The following XAGE3 variants were observed in gnomAD, a reference collection of about 807,000 sequenced individuals.
XAGE3 encodes the protein X antigen family member 3, also known as CT12.3.
A neutral mutation model predicts 9.2 loss-of-function variants in XAGE3; 6 were observed. The observed-to-expected ratio is 0.65, with a 90% confidence interval of 0.36 to 1.29. The LOEUF (loss-of-function observed/expected upper bound fraction) is 1.29, where lower values mean the gene tolerates loss of function less well. Ranked by LOEUF, XAGE3 falls within the 50% of genes most tolerant of loss-of-function variation. The pLI is 0.03. For synonymous variants in XAGE3, 26 were observed against 28.2 expected (o/e 0.92, Z 0.25); for missense variants, 70 against 82.8 (o/e 0.85, Z 0.60).
At chrX:52,867,289 C>T in intron 1 of XAGE3, 148 bp from the exon 2 acceptor site, 1 of 471,557 alleles carries the variant, frequency 2.1e-6, no homozygotes, top group East Asian at 3.8e-5. Flanking sequence ...GTATGTGTGC[C>T]TTCTGAATGC....
intron 3 of XAGE3, among the ~76,000 whole-genome samples, chrX:52,865,328 A>C (rs782388424): frequency 8.9e-6 from 1 of 112,013 alleles, no homozygotes; most frequent in East Asian, 2.8e-4. Context: ...AAACAAACTT[A>C]GGTCCAAAGG....
intron 4 of XAGE3, among the ~76,000 whole-genome samples, chrX:52,864,318 CAG>C (rs1927830944): frequency 8.9e-6 from 1 of 112,140 alleles, no homozygotes; most frequent in South Asian, 3.7e-4. Flanking sequence ...AATTTTGAAA[CAG>C]ATGTTAATAC....
chrX:52,865,119 C>T (rs1263169409), intron 3 of XAGE3, among the ~76,000 whole-genome samples: 2 of 111,639 alleles, frequency 1.8e-5, no homozygotes, highest in African/African-American at 6.5e-5. Flanking sequence ...ATTTCCTATA[C>T]TTTACCATTG....
At chrX:52,864,230 C>T (rs782055233) in intron 4 of XAGE3, among the ~76,000 whole-genome samples, 3 of 112,504 alleles carry the variant, frequency 2.7e-5, no homozygotes, top group Non-Finnish European at 3.8e-5. Flanking sequence ...GATATTATAA[C>T]TGGAGCGAAA....
At position 52,866,626 on chromosome X, in the gene XAGE3, A is replaced by C. The variant is rs1377752896; in HGVS notation, c.82-88T>G. On this transcript the variant is annotated intron_variant, in intron 2 of 4. Coordinates refer to ENST00000346279, the MANE Select transcript of XAGE3 (RefSeq NM_133179.3). The stretch of plus-strand genomic sequence containing the variant: ...CATTTCAATAATACAAATATACAGA[A>C]TACATAGATATTTCTGATCATAAGT... The C allele has an allele frequency of 4.2e-6, 3 of 707,333 alleles. No homozygotes were observed. In the Admixed American group the frequency reaches 1.0e-4, roughly 25 times the overall value. 58.3% of individuals were successfully genotyped at this position (707,333 alleles called of 1,213,427 possible).
rs1927893653 is a variant in XAGE3 at position 52,866,549 on chromosome X, G to A, written c.82-11C>T. 15 of 1,198,435 alleles carry A rather than the reference G, an allele frequency of 1.3e-5. No individual in the cohort carries two copies. Among genetic ancestry groups the A allele is most frequent in the Non-Finnish European group, 1.7e-5 (15 of 886,366 alleles). On this transcript the variant is annotated splice_polypyrimidine_tract_variant and intron_variant, in intron 2 of 4. Coordinates refer to ENST00000346279, the MANE Select transcript of XAGE3 (RefSeq NM_133179.3). ...CTCATCACCGGGCTCCTGGAACCAG[G>A]GGTGTGTGTGTGTGTGTGTGTGTGT... is the stretch of plus-strand genomic sequence containing the variant.
intron 4 of XAGE3, among the ~76,000 whole-genome samples, chrX:52,864,465 A>C (rs1927834239): frequency 8.9e-6 from 1 of 112,650 alleles, no homozygotes; most frequent in Admixed American, 9.4e-5. Flanking sequence ...TTTCACACAA[A>C]GTGGTATTAC....
chrX:52,864,280 T>C (rs1927829517), intron 4 of XAGE3, among the ~76,000 whole-genome samples: 1 of 112,447 alleles, frequency 8.9e-6, no homozygotes, highest in Non-Finnish European at 1.9e-5. Flanking sequence ...TTGTATTCTA[T>C]CCAACAGAAC....
intron 4 of XAGE3, among the ~76,000 whole-genome samples, chrX:52,863,609 A>AT: frequency 8.9e-6 from 1 of 112,040 alleles, no homozygotes; most frequent in East Asian, 2.8e-4. Flanking sequence ...CAATCATTTC[A>AT]TTCATACTTC....
intron 3 of XAGE3, among the ~76,000 whole-genome samples, chrX:52,865,399 A>G (rs1927862649): frequency 9.0e-6 from 1 of 111,261 alleles, no homozygotes; most frequent in Non-Finnish European, 1.9e-5. Context: ...ATATAACAGC[A>G]AAATCGCTGT....
Position 52,864,813 on chromosome X carries a change from A to C in XAGE3, c.275T>G (p.Ile92Ser), listed in dbSNP as rs781860135. 3.1e-5 allele frequency: 37 copies of C among 1,209,802 alleles called. No homozygotes were observed. In the South Asian group the frequency reaches 6.0e-4, roughly 20 times the overall value. The change falls in exon 4 of 5, where the codon ATT (isoleucine) becomes AGT (serine). Residue 92 changes from isoleucine to serine, a missense_variant. Coordinates refer to ENST00000346279, the MANE Select transcript of XAGE3 (RefSeq NM_133179.3). Reference sequence around the variant, plus strand: ...TTTAAATTGTTCTGATTTTGGCAGAATCTTCCCCTGGTCATCAGGACCATT... The same window carrying C: ...TTTAAATTGTTCTGATTTTGGCAGACTCTTCCCCTGGTCATCAGGACCATT... ...CGNGPDDQGK[I>S]LPKSEQFKMP...
chrX:52,862,670 T>C (rs1927770742), intron 4 of XAGE3, 30 bp from the exon 5 acceptor site: 1 of 1,209,518 alleles, frequency 8.3e-7, no homozygotes, highest in Non-Finnish European at 1.1e-6. Flanking sequence ...GGAGGGAACA[T>C]TAGTAGCAGA....
At chrX:52,867,172 G>A (rs1381572804) in intron 1 of XAGE3, 31 bp from the exon 2 acceptor site, 1 of 1,125,566 alleles carries the variant, frequency 8.9e-7, no homozygotes, top group East Asian at 3.0e-5. Flanking sequence ...ATTGGTAAAT[G>A]CACTTGAAAA....
intron 4 of XAGE3, among the ~76,000 whole-genome samples, 180 bp downstream of exon 4, chrX:52,864,595 C>T: frequency 9.0e-6 from 1 of 111,698 alleles, no homozygotes; most frequent in East Asian, 2.8e-4. Context: ...TGGGTTTGAC[C>T]CAATTTGTGT....
At chrX:52,864,674 T>C in intron 4 of XAGE3, 101 bp downstream of exon 4, 1 of 1,088,541 alleles carries the variant, frequency 9.2e-7, no homozygotes, top group Non-Finnish European at 1.3e-6. Context: ...AAAAAAAGTC[T>C]GCATTTGAAC....
At chrX:52,866,930 G>A (rs1267459264) in intron 2 of XAGE3, 123 bp downstream of exon 2, 2 of 648,650 alleles carry the variant, frequency 3.1e-6, no homozygotes, top group African/African-American at 2.2e-5. Flanking sequence ...TCTCAGCATG[G>A]GAGACCTTTA....
At chrX:52,867,171 T>C (rs1556784571) in intron 1 of XAGE3, 30 bp from the exon 2 acceptor site, 1 of 1,137,589 alleles carries the variant, frequency 8.8e-7, no homozygotes, top group Admixed American at 2.4e-5. Flanking sequence ...AATTGGTAAA[T>C]GCACTTGAAA....
intron 4 of XAGE3, among the ~76,000 whole-genome samples, chrX:52,863,272 A>G (rs1232949224): frequency 8.9e-6 from 1 of 112,293 alleles, no homozygotes; most frequent in Non-Finnish European, 1.9e-5. Flanking sequence ...TGTCAATATG[A>G]AGAGTCCCTC....
chrX:52,866,475 C>A lies in XAGE3; in HGVS notation c.145G>T (p.Gly49Cys), dbSNP rs782197465. ...CCCTGATCTTCTTCTCTCTCCTGACCAGGTGCAGGATCCCGACTTTCAGTT... is the reference window on the plus strand; with the variant it reads ...CCCTGATCTTCTTCTCTCTCCTGACAAGGTGCAGGATCCCGACTTTCAGTT... ...PPTESRDPAP[G>C]QEREEDQGAA... is the part of the protein sequence containing the mutation. Residue 49 changes from glycine (G) to cysteine (C), a missense_variant, in exon 3 of 5, where the codon GGT becomes TGT. Transcript: ENST00000346279. 1 of 1,209,097 alleles carries A rather than the reference C, an allele frequency of 8.3e-7. No homozygotes were observed. Among genetic ancestry groups the A allele is most frequent in the Admixed American group, 2.2e-5 (1 of 45,615 alleles).
Sources: gnomAD v4.1 joint callset for allele counts (sites outside exome capture counted in the v4.1 genomes callset) on GRCh38, gnomAD v4.1.1 for gene constraint, MANE v1.5 for transcripts, NCBI Gene and HGNC (gene_info 2026-07-23, HGNC 2026-07-21) for gene names.